OR52K1: variants seen among roughly 807,000 people sequenced by gnomAD.
The protein encoded by OR52K1 is olfactory receptor family 52 subfamily K member 1.
OR52K1 carries 10 observed loss-of-function variants against 8.7 expected under a neutral mutation model. The ratio of observed to expected loss-of-function variants is 1.15; its 90% CI spans 0.71 to 1.95. The LOEUF (loss-of-function observed/expected upper bound fraction) is 1.95. OR52K1 is among the 30% of genes most tolerant of loss of function. The probability of loss-of-function intolerance (pLI) is 0.00; values close to 1 mark genes in which losing one functional copy is unlikely to be tolerated. For missense variants in OR52K1, 431 were observed against 397.2 expected, an observed-to-expected ratio of 1.08 and a Z score of -0.72; for synonymous variants, 203 against 148.5, an observed-to-expected ratio of 1.37 and a Z score of -2.67.
At chr11:4,488,355 A>G (rs1208405040) in intron 1 of OR52K1, among the ~76,000 whole-genome samples, 1 of 152,230 alleles carries the variant, frequency 6.6e-6, no homozygotes, top group African/African-American at 2.4e-5. Context: ...AGTAGCAACC[A>G]TATCAGATAA....
Position 4,488,814 on chromosome 11 carries a change from G to A in OR52K1, c.-87G>A. 1.1e-6 allele frequency: 1 copy of A among 940,966 alleles called. No individual in the cohort carries two copies. The highest frequency in any genetic ancestry group is 1.6e-6 in the Non-Finnish European group (1 of 606,126). The allele number at this position is 940,966 out of a possible 1,614,324, so 58.3% of individuals were successfully genotyped here. A position where few individuals can be genotyped will look rare whatever the true frequency, so the allele number is the denominator to read the frequency against. ...AATCTTTGCAGGTGGGATAGCACAG[G>A]TTGAACTCTAATCATATATACTGTA... On this transcript the variant is annotated 5_prime_UTR_variant, in exon 2 of 2. Transcript: ENST00000641528.
At chr11:4,487,164 C>CT (rs1262150454) in intron 1 of OR52K1, among the ~76,000 whole-genome samples, 1 of 152,114 alleles carries the variant, frequency 6.6e-6, no homozygotes, top group African/African-American at 2.4e-5. Flanking sequence ...GTAGACCTTT[C>CT]TACATGTTTC....
chr11:4,485,698 C>G (rs73425791), intron 1 of OR52K1, among the ~76,000 whole-genome samples: 3 of 152,190 alleles, frequency 2.0e-5, no homozygotes, highest in African/African-American at 7.2e-5. Context: ...TCCCCCAATT[C>G]TACCCTTCCC....
intron 1 of OR52K1, among the ~76,000 whole-genome samples, chr11:4,485,042 G>T (rs1473493642): frequency 6.6e-6 from 1 of 152,154 alleles, no homozygotes; most frequent in African/African-American, 2.4e-5. Context: ...CTTTTATCAA[G>T]GTATCCAATC....
In OR52K1 at chr11:4,489,494, T is replaced by C. The variant is rs769943204; in HGVS notation, c.594T>C (p.Asn198=). The C allele has an allele frequency of 2.5e-6, 4 of 1,614,106 alleles. No individual in the cohort carries two copies. Among genetic ancestry groups the C allele is most frequent in the African/African-American group, 1.3e-5 (1 of 74,936 alleles). Residue 198 remains asparagine, a synonymous_variant, in exon 2 of 2, where the codon AAT becomes AAC. Coordinates refer to ENST00000641528, the MANE Select transcript of OR52K1 (RefSeq NM_001005171.3). ...CGTGTGGGGACACTAGCTTCAACAA[T>C]ATCTATGGCATTGCTGTGGCCATGT... ...RLACGDTSFN[N]IYGIAVAMFI... is the part of the protein sequence containing the mutation.
chr11:4,489,945 G>A lies in OR52K1; in HGVS notation c.*100G>A, dbSNP rs1481286754. On this transcript the variant is annotated 3_prime_UTR_variant, in exon 2 of 2. Coordinates refer to ENST00000641528, the MANE Select transcript of OR52K1 (RefSeq NM_001005171.3). ...AATAGGAAAATTGCAGAGTATCTTT[G>A]ACAATTCTCTAGTATGATAAGGAAA... 6.0e-6 allele frequency: 5 copies of A among 834,484 alleles called. No individual in the cohort carries two copies. In the East Asian group the frequency reaches 7.4e-5, roughly 12 times the overall value. 51.7% of individuals were successfully genotyped at this position (834,484 alleles called of 1,614,324 possible). A position where few individuals can be genotyped will look rare whatever the true frequency, so the allele number is the denominator to read the frequency against.
At position 4,492,277 on chromosome 11, in the gene OR52K1, A is replaced by G. The variant is rs1846383538; in HGVS notation, c.*2432A>G. 1 of 152,220 alleles carries G rather than the reference A, an allele frequency of 6.6e-6. No individual in the cohort carries two copies. Among genetic ancestry groups the G allele is most frequent in the African/African-American group, 2.4e-5 (1 of 41,452 alleles). The allele number at this position is 152,220 out of a possible 1,614,324, so 9.4% of individuals were successfully genotyped here. A position where few individuals can be genotyped will look rare whatever the true frequency, so the allele number is the denominator to read the frequency against. On this transcript the variant is annotated 3_prime_UTR_variant, in exon 2 of 2. Transcript: ENST00000641528. ...GAAATTGTGTTTGAGCTGCTAAAAAAAAAAAATAAACTTTAAAATATGGCT... is the reference window on the plus strand; with the variant it reads ...GAAATTGTGTTTGAGCTGCTAAAAAGAAAAAATAAACTTTAAAATATGGCT...
intron 1 of OR52K1, among the ~76,000 whole-genome samples, chr11:4,485,565 T>C (rs1372836896): frequency 1.3e-5 from 2 of 152,124 alleles, no homozygotes; most frequent in African/African-American, 2.4e-5. Context: ...CTGTCAAAAA[T>C]GCCACTGACA....
Position 4,489,731 on chromosome 11 carries a change from C to T in OR52K1, c.831C>T (p.Leu277=), listed in dbSNP as rs557384897. The T allele has an allele frequency of 4.4e-5, 71 of 1,614,186 alleles. No homozygotes were observed. The highest frequency in any genetic ancestry group is 4.1e-4 in the South Asian group (37 of 91,088). The part of the protein sequence containing the change: ...ARHAAPRVHI[L]LAIFYLLFPP... Reference sequence around the variant, plus strand: ...ATGCTGCCCCTCGTGTCCACATACTCCTTGCTATTTTCTATCTCCTTTTCC... The same window carrying T: ...ATGCTGCCCCTCGTGTCCACATACTTCTTGCTATTTTCTATCTCCTTTTCC... Residue 277 remains leucine, a synonymous_variant, in exon 2 of 2, where the codon CTC becomes CTT. Coordinates refer to ENST00000641528, the MANE Select transcript of OR52K1 (RefSeq NM_001005171.3).
At chr11:4,488,113 C>T (rs1285274796) in intron 1 of OR52K1, among the ~76,000 whole-genome samples, 1 of 152,142 alleles carries the variant, frequency 6.6e-6, no homozygotes, top group South Asian at 2.1e-4. Flanking sequence ...CAAAAAAGGA[C>T]GTTTCATTTT....
At chr11:4,486,821 A>G (rs1846324514) in intron 1 of OR52K1, among the ~76,000 whole-genome samples, 1 of 152,202 alleles carries the variant, frequency 6.6e-6, no homozygotes. Flanking sequence ...TATTTTCTGA[A>G]TGACATGGAT....
Position 4,489,901 on chromosome 11 carries a change from G to T in OR52K1, c.*56G>T. On this transcript the variant is annotated 3_prime_UTR_variant, in exon 2 of 2. Transcript: ENST00000641528. ...CCAAGTAATGAGAATGCTGGATTGGGGTTGAGGGGAAAAATCTAAATAGGA... is the reference window on the plus strand; with the variant it reads ...CCAAGTAATGAGAATGCTGGATTGGTGTTGAGGGGAAAAATCTAAATAGGA... 2 of 1,273,052 alleles carry T rather than the reference G, an allele frequency of 1.6e-6. No individual in the cohort carries two copies. The highest frequency in any genetic ancestry group is 2.2e-6 in the Non-Finnish European group (2 of 916,512). 78.9% of individuals were successfully genotyped at this position (1,273,052 alleles called of 1,614,324 possible).
At chr11:4,488,261 T>G (rs1287782143) in intron 1 of OR52K1, among the ~76,000 whole-genome samples, 1 of 152,266 alleles carries the variant, frequency 6.6e-6, no homozygotes, top group Non-Finnish European at 1.5e-5. Context: ...ACTAGTCACA[T>G]GTGGCTATTG....
At position 4,491,365 on chromosome 11, in the gene OR52K1, A is replaced by T. The variant is rs145128902; in HGVS notation, c.*1520A>T. 5.7e-3 allele frequency: 863 copies of T among 152,376 alleles called. 1 individual carries two copies. The highest frequency in any genetic ancestry group is 0.011 in the Admixed American group (166 of 15,310). The allele number at this position is 152,376 out of a possible 1,614,324, so 9.4% of individuals were successfully genotyped here. A position where few individuals can be genotyped will look rare whatever the true frequency, so the allele number is the denominator to read the frequency against. On this transcript the variant is annotated 3_prime_UTR_variant, in exon 2 of 2. Transcript: ENST00000641528. ...GTAAATTATTTCACCCATTATGGAA[A>T]GCAGTAGGTGATTCCTCAAAGACCT... is the stretch of plus-strand genomic sequence containing the variant.
At chr11:4,485,322 T>C (rs1846313223) in intron 1 of OR52K1, among the ~76,000 whole-genome samples, 1 of 152,204 alleles carries the variant, frequency 6.6e-6, no homozygotes, top group African/African-American at 2.4e-5. Flanking sequence ...ACATTTACTG[T>C]CTGGGCGATC....
At position 4,488,837 on chromosome 11, in the gene OR52K1, G is replaced by T. The variant is rs1049303824; in HGVS notation, c.-64G>T. ...AGGTTGAACTCTAATCATATATACT[G>T]TAGAAGGTATATATAGAAGGTGAAG... On this transcript the variant is annotated 5_prime_UTR_variant, in exon 2 of 2. Coordinates refer to ENST00000641528, the MANE Select transcript of OR52K1 (RefSeq NM_001005171.3). 8.8e-5 allele frequency: 98 copies of T among 1,111,140 alleles called. No homozygotes were observed. Among genetic ancestry groups the T allele is most frequent in the Non-Finnish European group, 1.2e-4 (92 of 744,658 alleles). 68.8% of individuals were successfully genotyped at this position (1,111,140 alleles called of 1,614,324 possible). A position where few individuals can be genotyped will look rare whatever the true frequency, so the allele number is the denominator to read the frequency against.
chr11:4,484,592 G>A (rs560213619), intron 1 of OR52K1, among the ~76,000 whole-genome samples: 2 of 151,866 alleles, frequency 1.3e-5, no homozygotes, highest in Non-Finnish European at 2.9e-5. Context: ...TGGGGATATC[G>A]AGTATGGAGT....
intron 1 of OR52K1, among the ~76,000 whole-genome samples, chr11:4,484,224 T>C (rs1777584711): frequency 6.6e-6 from 1 of 152,130 alleles, no homozygotes; most frequent in Non-Finnish European, 1.5e-5. Context: ...TGGGTAATTG[T>C]TGAAGGATAA....
At position 4,483,065 on chromosome 11, in the gene OR52K1, T is replaced by A. The variant is rs2084933142; in HGVS notation, c.-440T>A. ...CAGTTTGGATCTGTCACTTCTCACC[T>A]CCTGTCATTGCTTTTTCTAACCCCT... On this transcript the variant is annotated 5_prime_UTR_variant, in exon 1 of 2. Coordinates refer to ENST00000641528, the MANE Select transcript of OR52K1 (RefSeq NM_001005171.3). 2.5e-6 allele frequency: 1 copy of A among 398,180 alleles called. No homozygotes were observed. The highest frequency in any genetic ancestry group is 2.1e-5 in the African/African-American group (1 of 48,602). 24.7% of individuals were successfully genotyped at this position (398,180 alleles called of 1,614,324 possible). A position where few individuals can be genotyped will look rare whatever the true frequency, so the allele number is the denominator to read the frequency against.
Sources: gnomAD v4.1 joint callset for allele counts (sites outside exome capture counted in the v4.1 genomes callset) on GRCh38, gnomAD v4.1.1 for gene constraint, MANE v1.5 for transcripts, NCBI Gene and HGNC (gene_info 2026-07-23, HGNC 2026-07-21) for gene names.